Variants in PPDPFL observed in about 807,000 individuals in gnomAD.
PPDPFL encodes the protein pancreatic progenitor cell differentiation and proliferation factor like.
Under a neutral mutation model 12.6 loss-of-function variants are expected in PPDPFL, and 12 were observed. That is an observed-to-expected ratio of 0.95 (90% confidence interval 0.61 to 1.54). The LOEUF (loss-of-function observed/expected upper bound fraction) is 1.54, where lower values mean the gene tolerates loss of function less well. Ranked by LOEUF, PPDPFL falls within the 40% of genes most tolerant of loss-of-function variation. The pLI is 0.00. For missense variants in PPDPFL, 114 were observed against 96.0 expected, an observed-to-expected ratio of 1.19 and a Z score of -0.78; for synonymous variants, 24 against 32.7, an observed-to-expected ratio of 0.73 and a Z score of 0.91.
chr8:49,074,130 C>T lies in PPDPFL; in HGVS notation c.127C>T (p.Gln43Ter). 3 of 1,611,290 alleles carry T rather than the reference C, an allele frequency of 1.9e-6. No homozygotes were observed. The highest frequency in any genetic ancestry group is 2.5e-6 in the Non-Finnish European group (3 of 1,177,504). The change falls in exon 3 of 5, where the codon CAG (glutamine) becomes TAG (stop). Residue 43 changes from glutamine (Q) to a stop codon, truncating the protein, a stop_gained. Coordinates refer to ENST00000522267, the MANE Select transcript of PPDPFL (RefSeq NM_001256597.2). LOFTEE classifies it high-confidence loss of function. ...TAACTTCATAGATGACGACAAACCA[C>T]AGCAAGGTACTTAGTTATTTCTTTC... Reference protein sequence around the residue: ...SVNFIDDDKPQQGLPEVAEST... With the variant: ...SVNFIDDDKP
Position 49,075,251 on chromosome 8 carries a change from T to C in PPDPFL, c.*78T>C, listed in dbSNP as rs759686611. The C allele has an allele frequency of 6.8e-5, 109 of 1,613,922 alleles. 1 individual carries two copies. The highest frequency in any genetic ancestry group is 6.6e-4 in the Middle Eastern group (4 of 6,084). ...CTTATGTAGCATGAACAGTTGATTC[T>C]GACAATCAAGATCCTCTGCCTGCTG... On this transcript the variant is annotated 3_prime_UTR_variant, in exon 5 of 5. Coordinates refer to ENST00000522267, the MANE Select transcript of PPDPFL (RefSeq NM_001256597.2).
At chr8:49,059,895 T>G (rs922923956) in intron 1 of PPDPFL, among the ~76,000 whole-genome samples, 4 of 152,208 alleles carry the variant, frequency 2.6e-5, no homozygotes, top group Non-Finnish European at 4.4e-5. Flanking sequence ...TTTTTTTTCT[T>G]TCATGTGATG....
upstream of PPDPFL, among the ~76,000 whole-genome samples, chr8:49,069,620 A>G (rs1025501710): frequency 6.6e-6 from 1 of 152,228 alleles, no homozygotes; most frequent in African/African-American, 2.4e-5. Context: ...CATTTGACTC[A>G]GCAACCCCAT....
intron 2 of PPDPFL, 63 bp from the exon 3 acceptor site, chr8:49,073,996 G>T (rs568367108): frequency 1.8e-5 from 19 of 1,060,776 alleles, no homozygotes; most frequent in Non-Finnish European, 2.8e-5. Context: ...GTATATAAAT[G>T]ATGCGGATTT....
At chr8:49,059,361 C>A (rs917469003) in intron 1 of PPDPFL, among the ~76,000 whole-genome samples, 3 of 152,100 alleles carry the variant, frequency 2.0e-5, no homozygotes, top group South Asian at 4.2e-4. Flanking sequence ...AATGAGGTAG[C>A]CAGGGGAGTA....
chr8:49,059,657 G>A lies in PPDPFL; in HGVS notation c.-45+5288G>A, dbSNP rs555642696. 3.1e-4 allele frequency among the ~76,000 whole-genome samples: 47 copies of A among 152,220 alleles called. 1 individual carries two copies. The highest frequency in any genetic ancestry group is 1.0e-3 in the African/African-American group (43 of 41,532). On this transcript the variant is annotated intron_variant, in intron 1 of 4. Coordinates refer to the PPDPFL transcript ENST00000517663. Reference sequence around the variant, plus strand: ...TGTTTTTGTGATTGAGTGTATATGCGTGAATATATATAGTAATAATACTTT... The same window carrying A: ...TGTTTTTGTGATTGAGTGTATATGCATGAATATATATAGTAATAATACTTT...
chr8:49,066,762 A>AG (rs1266359154), intron 1 of PPDPFL, among the ~76,000 whole-genome samples: 1 of 152,190 alleles, frequency 6.6e-6, no homozygotes, highest in Admixed American at 6.5e-5. Context: ...CACTGGATTT[A>AG]GGATGCTACT....
At chr8:49,073,596 T>A in intron 2 of PPDPFL, among the ~76,000 whole-genome samples, 1 of 152,216 alleles carries the variant, frequency 6.6e-6, no homozygotes, top group East Asian at 1.9e-4. Flanking sequence ...TATTCTGATC[T>A]TATAAGAGAC....
chr8:49,062,717 C>G (rs1325575219), intron 1 of PPDPFL, among the ~76,000 whole-genome samples: 1 of 152,104 alleles, frequency 6.6e-6, no homozygotes, highest in Non-Finnish European at 1.5e-5. Context: ...CACAGGATGC[C>G]CTGCACACAG....
At position 49,072,780 on chromosome 8, in the gene PPDPFL, G is replaced by A; in HGVS notation, c.-44-7G>A. ...ATCAATGTCTCTTTTCTCTGTCGCT[G>A]TTTCAGATTAATGCTCACAGCTTCT... On this transcript the variant is annotated splice_polypyrimidine_tract_variant and splice_region_variant and intron_variant, in intron 1 of 4. Coordinates refer to ENST00000522267, the MANE Select transcript of PPDPFL (RefSeq NM_001256597.2). 1.4e-6 allele frequency: 2 copies of A among 1,441,064 alleles called. No homozygotes were observed. Among genetic ancestry groups the A allele is most frequent in the South Asian group, 1.3e-5 (1 of 77,178 alleles). The allele number at this position is 1,441,064 out of a possible 1,614,324, so 89.3% of individuals were successfully genotyped here.
intron 1 of PPDPFL, among the ~76,000 whole-genome samples, chr8:49,066,169 G>T (rs949216534): frequency 1.3e-5 from 2 of 152,186 alleles, no homozygotes; most frequent in African/African-American, 2.4e-5. Flanking sequence ...CTGAGAAATG[G>T]GTTGCCTAGT....
At chr8:49,064,323 G>C (rs189712540) in intron 1 of PPDPFL, among the ~76,000 whole-genome samples, 196 of 152,268 alleles carry the variant, frequency 1.3e-3, no homozygotes, top group Middle Eastern at 0.01. Flanking sequence ...CTCAGAAGAG[G>C]TGCTGGTCAG....
chr8:49,055,061 T>G (rs1303595350), intron 1 of PPDPFL, among the ~76,000 whole-genome samples: 1 of 152,302 alleles, frequency 6.6e-6, no homozygotes, highest in African/African-American at 2.4e-5. Flanking sequence ...CTCATAGAGT[T>G]TTCCTAAAAT....
chr8:49,075,579 T>TA lies in PPDPFL; in HGVS notation c.*413dup, dbSNP rs1209560900. The TA allele has an allele frequency of 1.4e-4, 45 of 320,642 alleles. 1 individual carries two copies. Among genetic ancestry groups the TA allele is most frequent in the South Asian group, 1.0e-3 (19 of 18,162 alleles). The allele number at this position is 320,642 out of a possible 1,614,324, so 19.9% of individuals were successfully genotyped here. ...CTTTCATTTTTTATATCATTTTTAT[T>TA]AAAAAAACTTAAGTTAGACTCTTTT... On this transcript the variant is annotated 3_prime_UTR_variant, in exon 5 of 5. Coordinates refer to ENST00000522267, the MANE Select transcript of PPDPFL (RefSeq NM_001256597.2).
intron 1 of PPDPFL, among the ~76,000 whole-genome samples, chr8:49,054,565 G>A (rs990954223): frequency 6.6e-6 from 1 of 152,094 alleles, no homozygotes; most frequent in African/African-American, 2.4e-5. Context: ...AAAGTTGTAT[G>A]TGGATTTTCG....
upstream of PPDPFL, among the ~76,000 whole-genome samples, chr8:49,068,724 AAC>A (rs1435515570): frequency 9.8e-5 from 15 of 152,312 alleles, no homozygotes; most frequent in African/African-American, 2.9e-4. Context: ...AATTGGAAGA[AAC>A]ACTGTGGTAC....
upstream of PPDPFL, among the ~76,000 whole-genome samples, chr8:49,070,160 C>G (rs1808355662): frequency 6.6e-6 from 1 of 152,130 alleles, no homozygotes; most frequent in Non-Finnish European, 1.5e-5. Context: ...CTAAATACCA[C>G]ATGTTCTCAC....
rs1329479725 is a variant in PPDPFL at position 49,075,423 on chromosome 8, T to G, written c.*250T>G. The stretch of plus-strand genomic sequence containing the variant: ...TGATATAAAAAAAGTTTAGGCATTT[T>G]TCTCAACACAAAGACTATCGCTGGA... On this transcript the variant is annotated 3_prime_UTR_variant, in exon 5 of 5. Transcript: ENST00000522267. 1.5e-5 allele frequency: 11 copies of G among 725,430 alleles called. No individual in the cohort carries two copies. Among genetic ancestry groups the G allele is most frequent in the Non-Finnish European group, 2.6e-5 (11 of 423,410 alleles). The allele number at this position is 725,430 out of a possible 1,614,324, so 44.9% of individuals were successfully genotyped here.
At chr8:49,060,836 C>T (rs767783354) in intron 1 of PPDPFL, among the ~76,000 whole-genome samples, 2 of 151,928 alleles carry the variant, frequency 1.3e-5, no homozygotes, top group African/African-American at 4.8e-5. Flanking sequence ...ACTTTTTTCC[C>T]TTAGCATACA....
Sources: gnomAD v4.1 joint callset for allele counts (sites outside exome capture counted in the v4.1 genomes callset) on GRCh38, gnomAD v4.1.1 for gene constraint, MANE v1.5 for transcripts, NCBI Gene and HGNC (gene_info 2026-07-23, HGNC 2026-07-21) for gene names.